NELL1: variants seen among roughly 807,000 people sequenced by gnomAD.
NELL1 encodes the protein protein kinase C-binding protein NELL1.
NELL1 carries 76 observed loss-of-function variants against 107.4 expected under a neutral mutation model. That is an observed-to-expected ratio of 0.71 (90% CI 0.59 to 0.86). NELL1 has a LOEUF of 0.86. Ranked by LOEUF, NELL1 falls within the 40% of genes least tolerant of loss-of-function variation. The pLI is 0.00. For synonymous variants in NELL1, 353 were observed against 341.2 expected (o/e 1.03, Z -0.38); for missense variants, 1,024 against 1,005.5 (o/e 1.02, Z -0.25).
In NELL1 at chr11:21,534,493, C is replaced by G. The variant is rs201170924; in HGVS notation, c.1765C>G (p.Leu589Val). Residue 589 changes from leucine to valine, a missense_variant, in exon 16 of 20, where the codon CTG becomes GTG. Transcript: ENST00000357134. Reference protein sequence around the residue: ...SGFHDDGTYSLSGESCIDIDE... With the variant: ...SGFHDDGTYSVSGESCIDIDE... ...TTTCCATGACGATGGGACCTATTCA[C>G]TGTCCGGGGAGTCCTGTATTGGTAA... 2.1e-4 allele frequency: 338 copies of G among 1,613,710 alleles called. No individual in the cohort carries two copies. The highest frequency in any genetic ancestry group is 2.5e-4 in the Non-Finnish European group (294 of 1,179,810).
intron 16 of NELL1, among the ~76,000 whole-genome samples, chr11:21,548,609 C>T (rs1856499163): frequency 6.6e-6 from 1 of 151,792 alleles, no homozygotes; most frequent in Non-Finnish European, 1.5e-5. Flanking sequence ...CATTTATCTC[C>T]CACAACATGT....
At chr11:21,138,116 T>C (rs1855784449) in intron 13 of NELL1, among the ~76,000 whole-genome samples, 1 of 152,174 alleles carries the variant, frequency 6.6e-6, no homozygotes, top group Non-Finnish European at 1.5e-5. Context: ...GTTTGAGAGC[T>C]CTGCAAAATG....
chr11:20,671,435 G>C (rs183705830), intron 1 of NELL1: 64 of 152,334 alleles, frequency 4.2e-4, no homozygotes, highest in African/African-American at 1.5e-3. Context: ...CATCACTACG[G>C]AATATGCCTA....
At chr11:21,194,381 G>C (rs543909963) in intron 13 of NELL1, among the ~76,000 whole-genome samples, 1 of 152,114 alleles carries the variant, frequency 6.6e-6, no homozygotes, top group Admixed American at 6.6e-5. Flanking sequence ...AAGGAGGACC[G>C]GGTTGCTCAG....
At chr11:20,929,897 G>A (rs1004454688) in intron 9 of NELL1, among the ~76,000 whole-genome samples, 12 of 151,606 alleles carry the variant, frequency 7.9e-5, no homozygotes, top group Non-Finnish European at 1.6e-4. Flanking sequence ...GCTTGAACCC[G>A]GGAGGCAGAG....
At chr11:21,387,541 C>G (rs776996123) in intron 15 of NELL1, among the ~76,000 whole-genome samples, 1 of 151,804 alleles carries the variant, frequency 6.6e-6, no homozygotes, top group Non-Finnish European at 1.5e-5. Flanking sequence ...TAAGGTAGTA[C>G]GGACAAGATT....
At chr11:20,724,759 C>A (rs779702170) in intron 2 of NELL1, among the ~76,000 whole-genome samples, 8 of 152,160 alleles carry the variant, frequency 5.3e-5, no homozygotes, top group Non-Finnish European at 7.3e-5. Flanking sequence ...GTTCCAAAGT[C>A]CCTTCCACAT....
chr11:21,080,392 G>C (rs776155820), intron 12 of NELL1, among the ~76,000 whole-genome samples: 1 of 151,936 alleles, frequency 6.6e-6, no homozygotes, highest in South Asian at 2.1e-4. Flanking sequence ...AAATATGTAC[G>C]TATAGATTTA....
chr11:20,892,884 G>A (rs1849645939), intron 5 of NELL1, among the ~76,000 whole-genome samples: 1 of 146,554 alleles, frequency 6.8e-6, no homozygotes, highest in African/African-American at 2.6e-5. Flanking sequence ...AGCTGAGATT[G>A]TGCCATTGTA....
intron 12 of NELL1, among the ~76,000 whole-genome samples, chr11:21,009,253 C>T (rs1337466552): frequency 1.3e-5 from 2 of 152,126 alleles, no homozygotes; most frequent in African/African-American, 4.8e-5. Context: ...TTCACATCAA[C>T]TTCTATGTAG....
intron 11 of NELL1, among the ~76,000 whole-genome samples, chr11:20,953,020 G>T (rs965380874): frequency 1.3e-5 from 2 of 152,162 alleles, no homozygotes; most frequent in African/African-American, 4.8e-5. Context: ...TATGTGTATT[G>T]ATTGTGGAGT....
At chr11:21,569,912 A>G (rs1857059944) in intron 17 of NELL1, among the ~76,000 whole-genome samples, 2 of 151,760 alleles carry the variant, frequency 1.3e-5, no homozygotes, top group South Asian at 4.2e-4. Context: ...TATTCAGCAA[A>G]TTAGTTATTA....
At chr11:21,101,667 C>T (rs1427881117) in intron 12 of NELL1, among the ~76,000 whole-genome samples, 4 of 152,080 alleles carry the variant, frequency 2.6e-5, no homozygotes, top group African/African-American at 9.7e-5. Context: ...ATATCCTTCG[C>T]CCACTTTTTG....
chr11:21,371,855 TTGTTTCCTTTCCTTCA>T (rs1253039337), intron 15 of NELL1, among the ~76,000 whole-genome samples: 1 of 152,074 alleles, frequency 6.6e-6, no homozygotes, highest in Non-Finnish European at 1.5e-5. Flanking sequence ...AGCAAAGTTC[TTGTTTCCTTTCCTTCA>T]TGTTTAGAAG....
chr11:21,005,881 A>G (rs1213221555), intron 12 of NELL1, among the ~76,000 whole-genome samples: 1 of 152,132 alleles, frequency 6.6e-6, no homozygotes, highest in Non-Finnish European at 1.5e-5. Flanking sequence ...TGTCACTGGT[A>G]TAGCAAAGTA....
intron 12 of NELL1, among the ~76,000 whole-genome samples, chr11:21,009,399 G>A (rs1029959551): frequency 6.6e-6 from 1 of 152,078 alleles, no homozygotes; most frequent in East Asian, 1.9e-4. Flanking sequence ...GCTTGTGTTC[G>A]TGGTGCTCAC....
rs138504602 is a variant in NELL1, at chr11:21,197,998, G to A, written c.1427-31334G>A. ...GGGTCAATAATTCAGATAGAGCCCCGCAGGGATGGCTTGTATCTCTTTGAT... is the reference window on the plus strand; with the variant it reads ...GGGTCAATAATTCAGATAGAGCCCCACAGGGATGGCTTGTATCTCTTTGAT... On this transcript the variant is annotated intron_variant, in intron 13 of 19. Coordinates refer to ENST00000357134, the MANE Select transcript of NELL1 (RefSeq NM_006157.5). 5.4e-3 allele frequency among the ~76,000 whole-genome samples: 816 copies of A among 152,266 alleles called. 7 individuals carry two copies. The highest frequency in any genetic ancestry group is 8.7e-3 in the Non-Finnish European group (590 of 68,016).
intron 14 of NELL1, among the ~76,000 whole-genome samples, chr11:21,287,740 C>G (rs114878356): frequency 6.6e-6 from 1 of 152,030 alleles, no homozygotes; most frequent in Non-Finnish European, 1.5e-5. Context: ...CTTTTTACCC[C>G]TCTTCCCATT....
chr11:21,330,754 A>G (rs971083932), intron 14 of NELL1, among the ~76,000 whole-genome samples: 7 of 152,108 alleles, frequency 4.6e-5, no homozygotes, highest in South Asian at 4.2e-4. Flanking sequence ...GGATGTGTCA[A>G]TTCTTTCTGT....
Sources: gnomAD v4.1 joint callset for allele counts (sites outside exome capture counted in the v4.1 genomes callset) on GRCh38, gnomAD v4.1.1 for gene constraint, MANE v1.5 for transcripts, NCBI Gene and HGNC (gene_info 2026-07-23, HGNC 2026-07-21) for gene names.